Variants in DICER1 observed in about 807,000 individuals in gnomAD.
DICER1 encodes the protein endoribonuclease Dicer.
DICER1 carries 43 observed loss-of-function variants against 194.1 expected under a neutral mutation model. That is an observed-to-expected ratio of 0.22 (90% confidence interval 0.17 to 0.29). The LOEUF is 0.29. DICER1 is among the 10% of genes least tolerant of loss of function. DICER1 has a pLI of 1.00. For synonymous variants in DICER1, 832 were observed against 820.5 expected (o/e 1.01, Z -0.24); for missense variants, 1,608 against 2,317.0 (o/e 0.69, Z 6.28).
chr14:95,095,758 C>T (rs779366173), intron 23 of DICER1, 67 bp downstream of exon 23: 7 of 1,551,950 alleles, frequency 4.5e-6, no homozygotes, highest in Non-Finnish European at 3.5e-6. Context: ...TTTTACAAGG[C>T]CAACACGATG....
chr14:95,089,589 G>A lies in DICER1; in HGVS notation c.*909C>T, dbSNP rs1202637009. On this transcript the variant is annotated 3_prime_UTR_variant, in exon 27 of 27. Coordinates refer to ENST00000343455, the MANE Select transcript of DICER1 (RefSeq NM_177438.3). ...CAGGAGGACTTTAGTAAAATGGGGT[G>A]TTTAGCCAAAGATCATTTTTATGAT... is the stretch of plus-strand genomic sequence containing the variant. The A allele has an allele frequency of 8.6e-6, 2 of 231,734 alleles. No homozygotes were observed. The highest frequency in any genetic ancestry group is 1.7e-5 in the Non-Finnish European group (2 of 117,286). The allele number at this position is 231,734 out of a possible 1,614,324, so 14.4% of individuals were successfully genotyped here.
intron 14 of DICER1, among the ~76,000 whole-genome samples, chr14:95,108,956 G>C (rs946540980): frequency 2.0e-5 from 3 of 152,110 alleles, no homozygotes; most frequent in Admixed American, 6.5e-5. Context: ...TTAACATTTT[G>C]ATACACTGTA....
At chr14:95,115,332 A>G (rs1892339485) in intron 11 of DICER1, among the ~76,000 whole-genome samples, 1 of 152,162 alleles carries the variant, frequency 6.6e-6, no homozygotes, top group Non-Finnish European at 1.5e-5. Flanking sequence ...CTAGGGGAAA[A>G]TTCAACATTA....
chr14:95,098,876 A>C (rs1890600219), intron 22 of DICER1, among the ~76,000 whole-genome samples: 1 of 152,244 alleles, frequency 6.6e-6, no homozygotes, highest in South Asian at 2.1e-4. Flanking sequence ...GTAAAAATCC[A>C]AATAGTGTCA....
chr14:95,138,759 T>G (rs886501276), intron 1 of DICER1, among the ~76,000 whole-genome samples: 1 of 139,640 alleles, frequency 7.2e-6, no homozygotes, highest in African/African-American at 2.7e-5. Context: ...TAGGTGGGAA[T>G]TGAACAATGA....
At chr14:95,155,433 C>G (rs948666995) in intron 1 of DICER1, among the ~76,000 whole-genome samples, 2 of 152,198 alleles carry the variant, frequency 1.3e-5, no homozygotes, top group Admixed American at 6.5e-5. Flanking sequence ...GATAGCACTA[C>G]AAGTACTGTA....
chr14:95,131,385 G>T, intron 4 of DICER1, 124 bp downstream of exon 4: 1 of 896,204 alleles, frequency 1.1e-6, no homozygotes, highest in Non-Finnish European at 1.8e-6. Flanking sequence ...TAGCTTCTAG[G>T]CTGATTAAGT....
At chr14:95,107,579 A>G in intron 17 of DICER1, 29 bp downstream of exon 17, 2 of 1,612,198 alleles carry the variant, frequency 1.2e-6, no homozygotes, top group Non-Finnish European at 1.7e-6. Flanking sequence ...AAGTATCACC[A>G]CCATTTTCCT....
chr14:95,140,464 A>G (rs1036892586), intron 1 of DICER1, among the ~76,000 whole-genome samples: 4 of 152,212 alleles, frequency 2.6e-5, no homozygotes, highest in African/African-American at 4.8e-5. Context: ...GCCTAGGTGT[A>G]TAATAGGCTA....
chr14:95,102,677 G>GTGAGACTT (rs574541152), intron 21 of DICER1, among the ~76,000 whole-genome samples: 1 of 145,112 alleles, frequency 6.9e-6, no homozygotes, highest in Non-Finnish European at 1.5e-5. Context: ...ATGTTGCCTT[G>GTGAGACTT]TGAGACTTTT....
intron 22 of DICER1, 43 bp from the exon 23 acceptor site, chr14:95,096,756 T>G: frequency 6.4e-7 from 1 of 1,555,164 alleles, no homozygotes; most frequent in South Asian, 1.2e-5. Flanking sequence ...ACATAGCTGC[T>G]GTTTTTAAAA....
rs371564184 is a variant in DICER1 at position 95,095,934 on chromosome 14, A to G, written c.4986T>C (p.Leu1662=). 15 of 1,614,088 alleles carry G rather than the reference A, an allele frequency of 9.3e-6. No homozygotes were observed. The highest frequency in any genetic ancestry group is 1.1e-5 in the Non-Finnish European group (13 of 1,180,030). ...HPDADKTLNH[L]ISGFENFEKK... ...TTTCAAAATTTTCAAACCCCGATAT[A>G]AGGTGATTCAGTGTTTTATCTGCAT... Residue 1662 remains leucine, a synonymous_variant, in exon 23 of 27, where the codon CTT becomes CTC. Transcript: ENST00000343455.
intron 7 of DICER1, among the ~76,000 whole-genome samples, chr14:95,125,197 TATC>T (rs1369413509): frequency 2.6e-5 from 4 of 152,158 alleles, no homozygotes; most frequent in Non-Finnish European, 4.4e-5. Context: ...CAGCTGTCTC[TATC>T]ATCATTTCTT....
intron 1 of DICER1, among the ~76,000 whole-genome samples, chr14:95,138,657 GC>G (rs1894597196): frequency 6.6e-6 from 1 of 151,990 alleles, no homozygotes; most frequent in Non-Finnish European, 1.5e-5. Context: ...CCTGACTTCT[GC>G]CGACCTGTAA....
chr14:95,150,665 G>A (rs543714553), intron 1 of DICER1, among the ~76,000 whole-genome samples: 12 of 152,282 alleles, frequency 7.9e-5, no homozygotes, highest in African/African-American at 2.9e-4. Context: ...GGTTACTAAA[G>A]AATATTTACA....
intron 1 of DICER1, among the ~76,000 whole-genome samples, chr14:95,135,353 A>G (rs1304904549): frequency 6.6e-6 from 1 of 152,130 alleles, no homozygotes; most frequent in Non-Finnish European, 1.5e-5. Context: ...ATATAAAACA[A>G]AGGAGAAAAG....
chr14:95,108,625 T>C lies in DICER1; in HGVS notation c.2257-122A>G, dbSNP rs1891677266. On this transcript the variant is annotated intron_variant, in intron 14 of 26. Coordinates refer to ENST00000343455, the MANE Select transcript of DICER1 (RefSeq NM_177438.3). ...AGCTGATGAGAATAAGCTAAGAAAA[T>C]ACCCGAGGCATGACACTTCTTAATT... is the stretch of plus-strand genomic sequence containing the variant. The C allele has an allele frequency of 1.2e-5, 11 of 908,234 alleles. 1 individual carries two copies. Among genetic ancestry groups the C allele is most frequent in the Middle Eastern group, 2.8e-4 (1 of 3,564 alleles). The allele number at this position is 908,234 out of a possible 1,614,324, so 56.3% of individuals were successfully genotyped here. A position where few individuals can be genotyped will look rare whatever the true frequency, so the allele number is the denominator to read the frequency against.
chr14:95,145,390 T>G (rs1195209252), intron 1 of DICER1, among the ~76,000 whole-genome samples: 1 of 152,232 alleles, frequency 6.6e-6, no homozygotes, highest in Non-Finnish European at 1.5e-5. Context: ...TCACTAGTTC[T>G]CTTGAAAAAC....
chr14:95,103,581 T>C lies in DICER1; in HGVS notation c.3815A>G (p.Lys1272Arg), dbSNP rs151197809. The C allele has an allele frequency of 2.5e-6, 4 of 1,614,092 alleles. No individual in the cohort carries two copies. Among genetic ancestry groups the C allele is most frequent in the Non-Finnish European group, 3.4e-6 (4 of 1,180,042 alleles). Residue 1272 changes from lysine to arginine, a missense_variant, in exon 21 of 27, where the codon AAG becomes AGG. Transcript: ENST00000343455. ...GCTCTGCTCAGAATCCATCCTGCCC[T>C]TGAGCACTTGAATAGTGTCTGTCGT... ...PGTTDTIQVL[K>R]GRMDSEQSPS...
Sources: gnomAD v4.1 joint callset for allele counts (sites outside exome capture counted in the v4.1 genomes callset) on GRCh38, gnomAD v4.1.1 for gene constraint, MANE v1.5 for transcripts, NCBI Gene and HGNC (gene_info 2026-07-23, HGNC 2026-07-21) for gene names.